The following SVOPL variants were observed in gnomAD, a reference collection of about 807,000 sequenced individuals.
SVOPL encodes SVOP like, also known as putative transporter SVOPL.
SVOPL carries 60 observed loss-of-function variants against 61.0 expected under a neutral mutation model. The ratio of observed to expected loss-of-function variants is 0.98; its 90% CI spans 0.80 to 1.22. The LOEUF (loss-of-function observed/expected upper bound fraction) is 1.22. Ranked by LOEUF, SVOPL falls within the 50% of genes most tolerant of loss-of-function variation. SVOPL has a pLI of 0.00. For synonymous variants in SVOPL, 279 were observed against 250.0 expected (o/e 1.12, Z -1.09); for missense variants, 662 against 643.9 (o/e 1.03, Z -0.30).
intron 8 of SVOPL, among the ~76,000 whole-genome samples, chr7:138,648,433 C>T (rs1801232666): frequency 6.6e-6 from 1 of 150,864 alleles, no homozygotes; most frequent in Non-Finnish European, 1.5e-5. Flanking sequence ...TGTGATGAAA[C>T]CCCTTCTCTG....
chr7:138,654,500 G>GTT (rs71179717), intron 7 of SVOPL, among the ~76,000 whole-genome samples: 55,263 of 125,308 alleles, frequency 0.44, 13,824 homozygotes, highest in Middle Eastern at 0.62. Context: ...TACTGAGTTT[G>GTT]TTTTTTTTTT....
Position 138,628,247 on chromosome 7 carries a change from G to A in SVOPL, c.980C>T (p.Ser327Leu), listed in dbSNP as rs775119156. Reference protein sequence around the residue: ...DSAVVVTGGDSGESQSPCYCH... With the variant: ...DSAVVVTGGDLGESQSPCYCH... ...GTAGCAGGGGCTCTGGCTCTCCCCTGAGTCCCCCCCAGTCACCACCACCGC... is the reference window on the plus strand; with the variant it reads ...GTAGCAGGGGCTCTGGCTCTCCCCTAAGTCCCCCCCAGTCACCACCACCGC... Residue 327 changes from serine (S) to leucine (L), a missense_variant, in exon 11 of 16, where the codon TCA becomes TTA. Transcript: ENST00000674285. 1.5e-5 allele frequency: 25 copies of A among 1,614,136 alleles called. 4 individuals carry two copies. The South Asian group carries it at 2.5e-4, about 16-fold the overall frequency.
At chr7:138,678,588 T>A (rs182132528) in intron 2 of SVOPL, 63 bp from the exon 3 acceptor site, 3 of 1,486,560 alleles carry the variant, frequency 2.0e-6, no homozygotes, top group Non-Finnish European at 2.7e-6. Context: ...GTGTGGACTA[T>A]CAGCTTCAGA....
intron 9 of SVOPL, among the ~76,000 whole-genome samples, chr7:138,633,075 A>G (rs1167692279): frequency 6.6e-6 from 1 of 152,148 alleles, no homozygotes; most frequent in Non-Finnish European, 1.5e-5. Context: ...GCTTTGCTCG[A>G]TAAGATGTGA....
At chr7:138,634,778 C>T (rs536411963) in intron 9 of SVOPL, among the ~76,000 whole-genome samples, 2 of 151,548 alleles carry the variant, frequency 1.3e-5, no homozygotes, top group South Asian at 2.1e-4. Context: ...GCTTGGGCAA[C>T]ATGTCAAAAC....
chr7:138,658,875 C>T (rs999779036), intron 6 of SVOPL, among the ~76,000 whole-genome samples: 10 of 151,680 alleles, frequency 6.6e-5, no homozygotes, highest in South Asian at 2.1e-4. Flanking sequence ...AGTGCCCCCC[C>T]GCCCCAACCC....
chr7:138,632,885 G>A (rs373931409), intron 9 of SVOPL, among the ~76,000 whole-genome samples: 46 of 152,276 alleles, frequency 3.0e-4, no homozygotes, highest in Middle Eastern at 6.8e-3. Context: ...ACAGCTATCC[G>A]TGGTTTTGAG....
rs575103439 is a variant in SVOPL at position 138,678,479 on chromosome 7, G to A, written c.129C>T (p.Phe43=). ...GAAAGAGGGCAATGTGGAAACGCCC[G>A]AAGCCGATAGTCTCCACTGCATCTT... is the stretch of plus-strand genomic sequence containing the variant. The part of the protein sequence containing the change: ...TVEDAVETIG[F]GRFHIALFLI... The change falls in exon 3 of 16, where the codon TTC becomes TTT. Residue 43 remains phenylalanine, a synonymous_variant. Transcript: ENST00000674285. 1.3e-4 allele frequency: 201 copies of A among 1,551,834 alleles called. 2 individuals carry two copies. In the Admixed American group the frequency reaches 1.4e-3, roughly 11 times the overall value.
Position 138,622,102 on chromosome 7 carries a change from CTATCTATCTATCTATCTATG to C in SVOPL, c.1264-987_1264-968del, listed in dbSNP as rs1563096240. ...TCTATCTATCTATGTATCTATCTAT[CTATCTATCTATCTATCTATG>C]TATCTATCTATCTATGTATCTATCT... On this transcript the variant is annotated intron_variant, in intron 13 of 15. Coordinates refer to ENST00000674285, the MANE Select transcript of SVOPL (RefSeq NM_001139456.2). Among the ~76,000 whole-genome samples the C allele has an allele frequency of 1.2e-4, 5 of 40,924 alleles. No individual in the cohort carries two copies. In the East Asian group the frequency reaches 2.2e-3, roughly 18 times the overall value. 26.8% of individuals were successfully genotyped at this position (40,924 alleles called of 152,430 possible).
chr7:138,600,606 G>GA (rs377058118), intron 14 of SVOPL, among the ~76,000 whole-genome samples: 574 of 144,150 alleles, frequency 4.0e-3, no homozygotes, highest in African/African-American at 0.014. Context: ...TGTCTCAAAA[G>GA]AAAAAAAAAA....
intron 1 of SVOPL, among the ~76,000 whole-genome samples, chr7:138,693,979 G>A (rs1803011471): frequency 2.0e-5 from 3 of 151,624 alleles, no homozygotes; most frequent in Non-Finnish European, 4.4e-5. Flanking sequence ...GTGTTCACCC[G>A]CACCGTACCT....
At chr7:138,699,994 A>G (rs1803154542) in intron 1 of SVOPL, among the ~76,000 whole-genome samples, 1 of 152,186 alleles carries the variant, frequency 6.6e-6, no homozygotes, top group South Asian at 2.1e-4. Context: ...GTTTTCAACA[A>G]CAGGATTCCT....
At chr7:138,696,861 T>C (rs1803075111) in intron 1 of SVOPL, among the ~76,000 whole-genome samples, 1 of 152,168 alleles carries the variant, frequency 6.6e-6, no homozygotes, top group South Asian at 2.1e-4. Context: ...TGAGCCACCA[T>C]GCCCAGCCAA....
chr7:138,664,355 C>T (rs1015227015), intron 4 of SVOPL: 7 of 540,510 alleles, frequency 1.3e-5, no homozygotes, highest in South Asian at 8.0e-5. Flanking sequence ...ATCGGGCGTG[C>T]GCCTAACCCT....
At chr7:138,598,085 G>A (rs895455974) in intron 14 of SVOPL, among the ~76,000 whole-genome samples, 2 of 152,106 alleles carry the variant, frequency 1.3e-5, no homozygotes, top group Non-Finnish European at 2.9e-5. Flanking sequence ...TCTGTTGTCT[G>A]TAAGCAAGAA....
At chr7:138,669,064 G>A (rs903339909) in intron 4 of SVOPL, among the ~76,000 whole-genome samples, 2 of 152,212 alleles carry the variant, frequency 1.3e-5, no homozygotes, top group East Asian at 1.9e-4. Context: ...TCAGAATCAA[G>A]GTCCCTCTAA....
intron 9 of SVOPL, among the ~76,000 whole-genome samples, chr7:138,635,936 T>A (rs1251159239): frequency 6.6e-6 from 1 of 151,868 alleles, no homozygotes. Context: ...GATAGAAAAA[T>A]ATATATACAT....
intron 15 of SVOPL, 90 bp downstream of exon 15, chr7:138,596,327 T>G (rs776414348): frequency 1.2e-4 from 123 of 1,050,710 alleles, no homozygotes; most frequent in Non-Finnish European, 1.6e-4. Context: ...TATTAGTTAT[T>G]TTAACTACAA....
At chr7:138,694,834 G>A (rs1254063242) in intron 1 of SVOPL, among the ~76,000 whole-genome samples, 1 of 152,008 alleles carries the variant, frequency 6.6e-6, no homozygotes, top group East Asian at 1.9e-4. Flanking sequence ...CGCCTCCTGG[G>A]TTCAAGTGAT....
Sources: allele counts gnomAD v4.1 joint callset (sites outside exome capture counted in the v4.1 genomes callset), GRCh38; gene constraint gnomAD v4.1.1; transcripts MANE v1.5; gene names NCBI Gene and HGNC (gene_info 2026-07-23, HGNC 2026-07-21).